PTPRN2: variants seen among roughly 807,000 people sequenced by gnomAD.
The protein encoded by PTPRN2 is receptor-type tyrosine-protein phosphatase N2.
PTPRN2 carries 74 observed loss-of-function variants against 118.8 expected under a neutral mutation model. The ratio of observed to expected loss-of-function variants is 0.62; its 90% CI spans 0.52 to 0.76. PTPRN2 has a LOEUF of 0.76. Among genes scored for constraint, PTPRN2 ranks in the 30% least tolerant of loss-of-function variants. The probability of loss-of-function intolerance (pLI) is 0.00; values close to 1 mark genes in which losing one functional copy is unlikely to be tolerated. For missense variants in PTPRN2, 1,481 were observed against 1,394.4 expected, an observed-to-expected ratio of 1.06 and a Z score of -0.99; for synonymous variants, 641 against 608.0, an observed-to-expected ratio of 1.05 and a Z score of -0.80.
intron 12 of PTPRN2, among the ~76,000 whole-genome samples, chr7:157,786,538 G>A (rs1804050601): frequency 6.6e-6 from 1 of 152,202 alleles, no homozygotes; most frequent in Non-Finnish European, 1.5e-5. Flanking sequence ...CTTGAGGCTG[G>A]AAGCACAGAG....
At chr7:158,474,875 C>T (rs1415900072) in intron 2 of PTPRN2, among the ~76,000 whole-genome samples, 4 of 152,152 alleles carry the variant, frequency 2.6e-5, no homozygotes, top group Admixed American at 2.6e-4. Flanking sequence ...CCACGGGGTG[C>T]CCTGTGGGAC....
At chr7:158,147,953 T>C (rs1820364157) in intron 6 of PTPRN2, among the ~76,000 whole-genome samples, 1 of 104,218 alleles carries the variant, frequency 9.6e-6, no homozygotes, top group Non-Finnish European at 1.9e-5. Context: ...TGACACCCCA[T>C]CTCACGCCAG....
At chr7:157,774,427 G>C (rs1009453372) in intron 12 of PTPRN2, among the ~76,000 whole-genome samples, 15 of 152,228 alleles carry the variant, frequency 9.9e-5, no homozygotes, top group African/African-American at 2.7e-4. Flanking sequence ...GGGTGGGCCT[G>C]CGAGGGTTTA....
At chr7:157,777,231 G>A (rs1007648426) in intron 12 of PTPRN2, among the ~76,000 whole-genome samples, 5 of 152,148 alleles carry the variant, frequency 3.3e-5, no homozygotes, top group Non-Finnish European at 5.9e-5. Context: ...ACAAATTCTT[G>A]TTAGATACAC....
chr7:157,847,823 C>A (rs1032473899), intron 12 of PTPRN2, among the ~76,000 whole-genome samples: 3 of 150,930 alleles, frequency 2.0e-5, no homozygotes, highest in Admixed American at 1.3e-4. Context: ...CTACAGAGCC[C>A]TCTCTCACTC....
Position 158,448,412 on chromosome 7 carries a change from G to C in PTPRN2, c.163+41323C>G, listed in dbSNP as rs115475080. The stretch of plus-strand genomic sequence containing the variant: ...GATCTGGGGAGGAGGAGGGAGGTTG[G>C]TTTCCACACTGCTTTCATCAGGCCA... On this transcript the variant is annotated intron_variant, in intron 2 of 22. Transcript: ENST00000389418. Among the ~76,000 whole-genome samples the C allele has an allele frequency of 3.2e-3, 488 of 150,992 alleles. 1 individual carries two copies. Among genetic ancestry groups the C allele is most frequent in the African/African-American group, 0.011 (466 of 41,382 alleles).
intron 2 of PTPRN2, among the ~76,000 whole-genome samples, chr7:158,429,350 C>A (rs1815989982): frequency 6.6e-6 from 1 of 152,252 alleles, no homozygotes; most frequent in Non-Finnish European, 1.5e-5. Flanking sequence ...GCTCTCCACG[C>A]TGGTCCTTAG....
chr7:157,768,582 G>A (rs991822619), intron 12 of PTPRN2, among the ~76,000 whole-genome samples: 62 of 152,134 alleles, frequency 4.1e-4, no homozygotes, highest in Admixed American at 3.9e-3. Context: ...GGGCTGCGAC[G>A]CCCCAGCCCA....
intron 2 of PTPRN2, among the ~76,000 whole-genome samples, chr7:158,322,782 C>T (rs1337485149): frequency 6.6e-6 from 1 of 152,268 alleles, no homozygotes. Context: ...AGGCCACCTC[C>T]ACTTGGGTGG....
At chr7:158,311,249 G>A (rs761311055) in intron 3 of PTPRN2, among the ~76,000 whole-genome samples, 1 of 152,078 alleles carries the variant, frequency 6.6e-6, no homozygotes, top group South Asian at 2.1e-4. Context: ...CATTATTTAG[G>A]GATTTATTTT....
intron 11 of PTPRN2, among the ~76,000 whole-genome samples, chr7:158,061,073 C>G (rs1585303793): frequency 6.6e-6 from 1 of 152,250 alleles, no homozygotes; most frequent in African/African-American, 2.4e-5. Context: ...GTGTTTTCCC[C>G]AACCCTGAGC....
chr7:157,902,131 A>G (rs1797496855), intron 11 of PTPRN2, among the ~76,000 whole-genome samples: 1 of 152,212 alleles, frequency 6.6e-6, no homozygotes, highest in Non-Finnish European at 1.5e-5. Context: ...GCATCCTTGG[A>G]GGCCTTGGGG....
intron 2 of PTPRN2, among the ~76,000 whole-genome samples, chr7:158,331,979 A>G (rs1586307305): frequency 6.6e-6 from 1 of 151,294 alleles, no homozygotes. Context: ...TGAAGACGTC[A>G]CTCACATCCA....
In PTPRN2 at chr7:157,560,125, C is replaced by A. The variant is rs561772322; in HGVS notation, c.2902+8777G>T. On this transcript the variant is annotated intron_variant, in intron 21 of 22. Coordinates refer to ENST00000389418, the MANE Select transcript of PTPRN2 (RefSeq NM_002847.5). The surrounding 1 kb of genome is among the most constrained non-coding windows in gnomAD (Gnocchi z 6.7). ...GTGTCTGCGTGACCATGAGGAGAAGCGGAGGACAGCCCAGGTGAGGACATC... is the reference window on the plus strand; with the variant it reads ...GTGTCTGCGTGACCATGAGGAGAAGAGGAGGACAGCCCAGGTGAGGACATC... Among the ~76,000 whole-genome samples, 1 of 152,160 alleles carries A rather than the reference C, an allele frequency of 6.6e-6. No homozygotes were observed. The highest frequency in any genetic ancestry group is 1.5e-5 in the Non-Finnish European group (1 of 68,020).
At chr7:157,759,274 G>A (rs186241836) in intron 12 of PTPRN2, among the ~76,000 whole-genome samples, 35 of 152,320 alleles carry the variant, frequency 2.3e-4, no homozygotes, top group Non-Finnish European at 3.7e-4. Context: ...ATGCAGCACC[G>A]TGTCCACCAT....
Position 158,509,344 on chromosome 7 carries a change from C to T in PTPRN2, c.113-19559G>A, listed in dbSNP as rs370694752. 1.1e-4 allele frequency among the ~76,000 whole-genome samples: 16 copies of T among 152,254 alleles called. No homozygotes were observed. The highest frequency in any genetic ancestry group is 4.2e-4 in the South Asian group (2 of 4,814). On this transcript the variant is annotated intron_variant, in intron 1 of 22. Coordinates refer to ENST00000389418, the MANE Select transcript of PTPRN2 (RefSeq NM_002847.5). The surrounding 1 kb of genome is among the most constrained non-coding windows in gnomAD (Gnocchi z 4.4). ...CCTAACGTGCAATCGGGGCTGGAGCCGGAGACCCCTCCACCCTGCAGTCAG... is the reference window on the plus strand; with the variant it reads ...CCTAACGTGCAATCGGGGCTGGAGCTGGAGACCCCTCCACCCTGCAGTCAG...
At chr7:158,444,498 A>C (rs1248755298) in intron 2 of PTPRN2, among the ~76,000 whole-genome samples, 2 of 152,232 alleles carry the variant, frequency 1.3e-5, no homozygotes. Context: ...TGGGGGCAGG[A>C]ATCTCTCTAC....
intron 12 of PTPRN2, among the ~76,000 whole-genome samples, chr7:157,703,714 C>G (rs968076103): frequency 6.6e-6 from 1 of 152,122 alleles, no homozygotes; most frequent in South Asian, 2.1e-4. Context: ...GTCCAACCCC[C>G]ACCTCAGCAC....
chr7:157,785,224 C>A lies in PTPRN2; in HGVS notation c.1789-102287G>T, dbSNP rs143084139. On this transcript the variant is annotated intron_variant, in intron 12 of 22. Transcript: ENST00000389418. The surrounding 1 kb of genome is among the most constrained non-coding windows in gnomAD (Gnocchi z 7.3). ...CCCGGGCCCACGTGGGGACACGCCC[C>A]GCCCCACAGGCTTGCACCGGGGTGC... Among the ~76,000 whole-genome samples the A allele has an allele frequency of 1.3e-5, 2 of 152,198 alleles. No homozygotes were observed. The highest frequency in any genetic ancestry group is 4.2e-4 in the South Asian group (2 of 4,810).
Sources: gnomAD v4.1 joint callset for allele counts (sites outside exome capture counted in the v4.1 genomes callset) on GRCh38, gnomAD v4.1.1 for gene constraint, Gnocchi (gnomAD v3.1) non-coding constraint, MANE v1.5 for transcripts, NCBI Gene and HGNC (gene_info 2026-07-23, HGNC 2026-07-21) for gene names.